PTPRD: variants seen among roughly 807,000 people sequenced by gnomAD.
PTPRD encodes the protein receptor-type tyrosine-protein phosphatase delta.
Under a neutral mutation model 214.5 loss-of-function variants are expected in PTPRD, and 34 were observed. That is an observed-to-expected ratio of 0.16 (90% CI 0.12 to 0.21). PTPRD has a LOEUF of 0.21. Ranked by LOEUF, PTPRD falls within the 10% of genes least tolerant of loss-of-function variation. The pLI is 1.00. For synonymous variants in PTPRD, 1,128 were observed against 845.7 expected (o/e 1.33, Z -5.79); for missense variants, 2,545 against 2,398.7 (o/e 1.06, Z -1.27).
intron 8 of PTPRD, among the ~76,000 whole-genome samples, chr9:9,425,935 A>G (rs1312130014): frequency 6.6e-6 from 1 of 152,194 alleles, no homozygotes; most frequent in African/African-American, 2.4e-5. Context: ...GGAGGTTCCA[A>G]GATGGCCGAA....
At chr9:10,531,956 A>C (rs1306102924) in intron 2 of PTPRD, among the ~76,000 whole-genome samples, 1 of 152,158 alleles carries the variant, frequency 6.6e-6, no homozygotes, top group Non-Finnish European at 1.5e-5. Context: ...AATTAACCTT[A>C]TTTAATAGTG....
At chr9:9,836,836 G>C (rs1168763131) in intron 5 of PTPRD, among the ~76,000 whole-genome samples, 1 of 152,080 alleles carries the variant, frequency 6.6e-6, no homozygotes, top group Non-Finnish European at 1.5e-5. Context: ...CAGATATATA[G>C]CAAATACCAT....
intron 5 of PTPRD, among the ~76,000 whole-genome samples, chr9:9,789,128 T>C (rs553894114): frequency 5.4e-4 from 83 of 152,350 alleles, no homozygotes; most frequent in Non-Finnish European, 2.1e-4. Context: ...ATAGTATTTA[T>C]TGTAGTCTAC....
At chr9:10,197,310 G>T (rs1170579498) in intron 3 of PTPRD, among the ~76,000 whole-genome samples, 1 of 152,090 alleles carries the variant, frequency 6.6e-6, no homozygotes, top group Non-Finnish European at 1.5e-5. Context: ...AACTGGGTAG[G>T]AATTAAACTG....
intron 8 of PTPRD, among the ~76,000 whole-genome samples, chr9:9,552,483 T>C (rs2080530194): frequency 6.6e-6 from 1 of 152,112 alleles, no homozygotes; most frequent in African/African-American, 2.4e-5. Context: ...TTCCTAAATG[T>C]AGTTCTTTAT....
intron 11 of PTPRD, among the ~76,000 whole-genome samples, chr9:8,775,071 G>C: frequency 6.6e-6 from 1 of 152,140 alleles, no homozygotes; most frequent in Non-Finnish European, 1.5e-5. Context: ...GCTATGTCCA[G>C]TGATGCCTTA....
chr9:9,072,543 C>T (rs1050141896), intron 10 of PTPRD, among the ~76,000 whole-genome samples: 5 of 152,142 alleles, frequency 3.3e-5, no homozygotes, highest in Admixed American at 2.0e-4. Flanking sequence ...AATGTACAAG[C>T]TGTCTTTTTA....
intron 10 of PTPRD, among the ~76,000 whole-genome samples, chr9:9,151,380 C>A (rs1396900432): frequency 1.3e-5 from 2 of 152,178 alleles, no homozygotes; most frequent in African/African-American, 4.8e-5. Flanking sequence ...CATAATCAGA[C>A]ACAGAGGTGT....
chr9:9,958,978 A>C (rs13292465), intron 4 of PTPRD, among the ~76,000 whole-genome samples: 23,425 of 152,168 alleles, frequency 0.15, 1,858 homozygotes, highest in African/African-American at 0.18. Context: ...TTACCATAAA[A>C]TCAAACAATC....
intron 12 of PTPRD, among the ~76,000 whole-genome samples, chr9:8,650,302 G>T (rs2096781032): frequency 6.6e-6 from 1 of 152,010 alleles, no homozygotes; most frequent in African/African-American, 2.4e-5. Flanking sequence ...GGCTGAGGTG[G>T]GTGGATCACC....
chr9:10,312,289 C>G (rs575985922), intron 3 of PTPRD, among the ~76,000 whole-genome samples: 1 of 152,008 alleles, frequency 6.6e-6, no homozygotes, highest in East Asian at 1.9e-4. Flanking sequence ...TCTTCCTCAT[C>G]CATTTGAGGC....
At chr9:8,492,614 CA>C (rs34457270) in intron 27 of PTPRD, among the ~76,000 whole-genome samples, 41,820 of 104,316 alleles carry the variant, frequency 0.4, 6,622 homozygotes, top group South Asian at 0.53. Context: ...AGAAGGTGCT[CA>C]AAAAAAAAAA....
intron 8 of PTPRD, among the ~76,000 whole-genome samples, chr9:9,539,767 T>C (rs2077213424): frequency 6.6e-6 from 1 of 151,906 alleles, no homozygotes; most frequent in Admixed American, 6.6e-5. Flanking sequence ...ACTAAATTGC[T>C]GCTTTGGTTC....
chr9:10,575,753 T>C (rs1048652880), intron 2 of PTPRD, among the ~76,000 whole-genome samples: 4 of 151,578 alleles, frequency 2.6e-5, no homozygotes, highest in African/African-American at 9.7e-5. Context: ...CTAGCTCCAG[T>C]CTCTCTCTCT....
chr9:9,592,240 T>C (rs2092807406), intron 7 of PTPRD, among the ~76,000 whole-genome samples: 2 of 152,094 alleles, frequency 1.3e-5, no homozygotes, highest in Admixed American at 1.3e-4. Flanking sequence ...GCCTAAATTA[T>C]ATCTTGTTCC....
intron 3 of PTPRD, among the ~76,000 whole-genome samples, chr9:10,042,901 G>A (rs575533682): frequency 6.6e-6 from 1 of 151,854 alleles, no homozygotes; most frequent in Non-Finnish European, 1.5e-5. Context: ...ATGTATTTGT[G>A]AAAAAGTCTT....
At chr9:8,390,556 A>T (rs56973160) in intron 36 of PTPRD, among the ~76,000 whole-genome samples, 53,024 of 151,438 alleles carry the variant, frequency 0.35, 9,687 homozygotes, top group African/African-American at 0.41. Flanking sequence ...AAGTTGCTTT[A>T]TTGCCTATTT....
At chr9:8,760,113 T>C (rs1458251811) in intron 11 of PTPRD, among the ~76,000 whole-genome samples, 1 of 152,182 alleles carries the variant, frequency 6.6e-6, no homozygotes, top group African/African-American at 2.4e-5. Context: ...GTGTTTTTGG[T>C]AGAGACCGGG....
chr9:9,138,965 A>C (rs2099855574), intron 10 of PTPRD, among the ~76,000 whole-genome samples: 2 of 152,126 alleles, frequency 1.3e-5, no homozygotes, highest in Admixed American at 1.3e-4. Context: ...TAGTTACAGT[A>C]ATCTTCATTA....
Sources: gnomAD v4.1 joint callset for allele counts (sites outside exome capture counted in the v4.1 genomes callset) on GRCh38, gnomAD v4.1.1 for gene constraint, MANE v1.5 for transcripts, NCBI Gene and HGNC (gene_info 2026-07-23, HGNC 2026-07-21) for gene names.